The following ZFPM2 variants were observed in gnomAD, a reference collection of about 807,000 sequenced individuals.
ZFPM2 encodes the protein zinc finger protein, FOG family member 2.
In ZFPM2, 20 loss-of-function variants were observed where a neutral mutation model predicts 98.6. The ratio of observed to expected loss-of-function variants is 0.20; its 90% CI spans 0.14 to 0.29. The LOEUF (loss-of-function observed/expected upper bound fraction) is 0.29, where lower values mean the gene tolerates loss of function less well. Among genes scored for constraint, ZFPM2 ranks in the 10% least tolerant of loss-of-function variants. The pLI is 1.00. For synonymous variants in ZFPM2, 518 were observed against 502.7 expected (o/e 1.03, Z -0.41); for missense variants, 1,310 against 1,388.6 (o/e 0.94, Z 0.90).
chr8:105,536,572 C>G (rs1814457928), intron 3 of ZFPM2, among the ~76,000 whole-genome samples: 1 of 151,692 alleles, frequency 6.6e-6, no homozygotes, highest in African/African-American at 2.4e-5. Context: ...GTCCATGTTA[C>G]AAACAATGAG....
rs1445555442 is a variant in ZFPM2, at chr8:105,798,889, A to C, written c.905A>C (p.Gln302Pro). ...ATTTCCAGCCTGTGCCCCTTCCCAC[A>C]GTGCACCAAGAGCTTTTCAAATGCT... ...HQISSLCPFP[Q>P]CTKSFSNARA... Residue 302 changes from glutamine (Q) to proline (P), a missense_variant, in exon 7 of 8, where the codon CAG becomes CCG. Transcript: ENST00000407775. The C allele has an allele frequency of 6.2e-7, 1 of 1,613,990 alleles. No individual in the cohort carries two copies. Among genetic ancestry groups the C allele is most frequent in the East Asian group, 2.2e-5 (1 of 44,880 alleles).
chr8:105,347,479 C>A (rs552095924), intron 1 of ZFPM2, among the ~76,000 whole-genome samples: 1 of 151,992 alleles, frequency 6.6e-6, no homozygotes, highest in Admixed American at 6.6e-5. Context: ...CAGACAAAGC[C>A]CCAGTTCAGT....
intron 3 of ZFPM2, among the ~76,000 whole-genome samples, chr8:105,510,897 A>G (rs1276752115): frequency 1.3e-5 from 2 of 152,206 alleles, no homozygotes; most frequent in African/African-American, 2.4e-5. Context: ...AAGTCTTAAA[A>G]TATGTTCATT....
At chr8:105,514,653 C>G (rs1813884830) in intron 3 of ZFPM2, among the ~76,000 whole-genome samples, 2 of 152,106 alleles carry the variant, frequency 1.3e-5, no homozygotes. Flanking sequence ...CTTTTCTGAG[C>G]CTCAGGCCAA....
At chr8:105,697,773 A>T (rs1026587577) in intron 5 of ZFPM2, among the ~76,000 whole-genome samples, 3 of 152,204 alleles carry the variant, frequency 2.0e-5, no homozygotes, top group Non-Finnish European at 4.4e-5. Context: ...AAAGGAGGCC[A>T]GACTGTATTT....
rs1814094318 is a variant in ZFPM2, at chr8:105,803,181, A to G, written c.3099A>G (p.Pro1033=). ...CTGCGCTGAAGAAAGATTCTCTGCC[A>G]TTGTTGCCCAAAAATCGAGGAATGG... The part of the protein sequence containing the change: ...GCAALKKDSL[P]LLPKNRGMVI... The change falls in exon 8 of 8, where the codon CCA becomes CCG. Residue 1033 remains proline, a synonymous_variant. Coordinates refer to ENST00000407775, the MANE Select transcript of ZFPM2 (RefSeq NM_012082.4). The G allele has an allele frequency of 6.2e-7, 1 of 1,613,728 alleles. No individual in the cohort carries two copies. Among genetic ancestry groups the G allele is most frequent in the Admixed American group, 1.7e-5 (1 of 59,982 alleles).
chr8:105,403,823 C>G (rs1396854025), intron 1 of ZFPM2, among the ~76,000 whole-genome samples: 2 of 152,008 alleles, frequency 1.3e-5, no homozygotes, highest in African/African-American at 2.4e-5. Flanking sequence ...CGTGCAGCGT[C>G]TAGCGTGATT....
chr8:105,647,527 C>G (rs868404984), intron 5 of ZFPM2, among the ~76,000 whole-genome samples: 5 of 146,994 alleles, frequency 3.4e-5, no homozygotes, highest in South Asian at 4.6e-4. Context: ...TCCCTCCCGC[C>G]CCCCCCCACC....
chr8:105,694,415 T>A (rs1330161132), intron 5 of ZFPM2, among the ~76,000 whole-genome samples: 1 of 152,166 alleles, frequency 6.6e-6, no homozygotes, highest in African/African-American at 2.4e-5. Flanking sequence ...AGTCTCTACT[T>A]CCTAATAAAT....
At chr8:105,653,758 A>C (rs1817226648) in intron 5 of ZFPM2, among the ~76,000 whole-genome samples, 1 of 152,110 alleles carries the variant, frequency 6.6e-6, no homozygotes, top group Non-Finnish European at 1.5e-5. Flanking sequence ...GTTAGAGGCA[A>C]ATAGAAAACA....
At chr8:105,564,983 C>A (rs1489817742) in intron 4 of ZFPM2, among the ~76,000 whole-genome samples, 2 of 152,118 alleles carry the variant, frequency 1.3e-5, no homozygotes, top group East Asian at 1.9e-4. Flanking sequence ...CCCTACCCAA[C>A]CTTGAATCAA....
chr8:105,550,944 G>A (rs1255148382), intron 3 of ZFPM2, among the ~76,000 whole-genome samples: 2 of 152,150 alleles, frequency 1.3e-5, no homozygotes, highest in Non-Finnish European at 2.9e-5. Flanking sequence ...ATATGCAACC[G>A]TGAAGATATG....
intron 5 of ZFPM2, among the ~76,000 whole-genome samples, chr8:105,697,679 A>C (rs1811050926): frequency 6.6e-6 from 1 of 152,182 alleles, no homozygotes; most frequent in African/African-American, 2.4e-5. Flanking sequence ...GCACATGAAA[A>C]AATTAGATAT....
At chr8:105,552,550 A>G (rs1397989844) in intron 3 of ZFPM2, among the ~76,000 whole-genome samples, 2 of 152,144 alleles carry the variant, frequency 1.3e-5, no homozygotes, top group Non-Finnish European at 2.9e-5. Flanking sequence ...AAAGTCTCCA[A>G]CGACCACAGC....
At chr8:105,568,444 G>C (rs1815284663) in intron 4 of ZFPM2, among the ~76,000 whole-genome samples, 2 of 152,038 alleles carry the variant, frequency 1.3e-5, no homozygotes, top group South Asian at 4.1e-4. Flanking sequence ...TTCACACACA[G>C]TTACACATAC....
In ZFPM2 at chr8:105,561,608, C is replaced by T. The variant is rs74835138; in HGVS notation, c.420+127C>T. 8.3e-3 allele frequency: 6,232 copies of T among 746,764 alleles called. 266 individuals carry two copies. In the African/African-American group the frequency reaches 0.099, roughly 12 times the overall value. 46.3% of individuals were successfully genotyped at this position (746,764 alleles called of 1,614,324 possible). A position where few individuals can be genotyped will look rare whatever the true frequency, so the allele number is the denominator to read the frequency against. On this transcript the variant is annotated intron_variant, in intron 4 of 7. Coordinates refer to ENST00000407775, the MANE Select transcript of ZFPM2 (RefSeq NM_012082.4). ...AAATAACCATTTGTTTTTGCTTTTTCGTGGACAGCAAAACTTGGATACTTT... is the reference window on the plus strand; with the variant it reads ...AAATAACCATTTGTTTTTGCTTTTTTGTGGACAGCAAAACTTGGATACTTT...
chr8:105,435,659 A>G (rs1812104991), intron 2 of ZFPM2, among the ~76,000 whole-genome samples: 1 of 152,250 alleles, frequency 6.6e-6, no homozygotes, highest in South Asian at 2.1e-4. Flanking sequence ...TCAAAAATGG[A>G]TAGAAGTAAA....
intron 5 of ZFPM2, chr8:105,670,013 A>T (rs746837765): frequency 1.3e-5 from 2 of 152,222 alleles, no homozygotes; most frequent in Admixed American, 1.3e-4. Context: ...TTAGCGAAGA[A>T]TGACAGCATG....
At chr8:105,462,196 A>G (rs1308778124) in intron 3 of ZFPM2, among the ~76,000 whole-genome samples, 1 of 152,122 alleles carries the variant, frequency 6.6e-6, no homozygotes, top group Non-Finnish European at 1.5e-5. Context: ...TGGAAAGCAC[A>G]TAGTAATCTT....
Sources: allele counts gnomAD v4.1 joint callset (sites outside exome capture counted in the v4.1 genomes callset), GRCh38; gene constraint gnomAD v4.1.1; transcripts MANE v1.5; gene names NCBI Gene and HGNC (gene_info 2026-07-23, HGNC 2026-07-21).